The following R3HDM4 variants were observed in gnomAD, a reference collection of about 807,000 sequenced individuals.
R3HDM4 encodes the protein R3H domain containing 4, also known as R3H domain-containing protein 4.
R3HDM4 carries 30 observed loss-of-function variants against 31.3 expected under a neutral mutation model. The ratio of observed to expected loss-of-function variants is 0.96; its 90% CI spans 0.72 to 1.30. The LOEUF is 1.30. Ranked by LOEUF, R3HDM4 falls within the 50% of genes most tolerant of loss-of-function variation. The probability of loss-of-function intolerance (pLI) is 0.00; values close to 1 mark genes in which losing one functional copy is unlikely to be tolerated. For synonymous variants in R3HDM4, 196 were observed against 156.6 expected, an observed-to-expected ratio of 1.25 and a Z score of -1.88; for missense variants, 444 against 366.1, an observed-to-expected ratio of 1.21 and a Z score of -1.74.
chr19:900,833 C>T lies in R3HDM4; in HGVS notation c.471G>A (p.Arg157=), dbSNP rs749619503. Reference sequence around the variant, plus strand: ...CCGCCCCAGCCAGGCCCGCACCTCTCCTCCGGTCCTCCCCACGGCCAGGGC... The same window carrying T: ...CCGCCCCAGCCAGGCCCGCACCTCTTCTCCGGTCCTCCCCACGGCCAGGGC... ...RRGPGRGEDR[R]REDPAYTPRE... Residue 157 remains arginine (R), a synonymous_variant, in exon 4 of 8, where the codon AGG becomes AGA. Coordinates refer to ENST00000361574, the MANE Select transcript of R3HDM4 (RefSeq NM_138774.4). The T allele has an allele frequency of 7.9e-6, 12 of 1,515,466 alleles. No individual in the cohort carries two copies. The highest frequency in any genetic ancestry group is 4.0e-5 in the Admixed American group (2 of 49,876). The allele number at this position is 1,515,466 out of a possible 1,614,324, so 93.9% of individuals were successfully genotyped here.
At chr19:900,796 C>T (rs2036822485) in intron 4 of R3HDM4, 33 bp downstream of exon 4, 1 of 1,124,172 alleles carries the variant, frequency 8.9e-7, no homozygotes, top group East Asian at 3.5e-5. Context: ...CATACCCTGG[C>T]CCCACCCATA....
intron 1 of R3HDM4, among the ~76,000 whole-genome samples, chr19:911,123 A>G (rs556097804): frequency 1.3e-5 from 2 of 151,234 alleles, no homozygotes; most frequent in African/African-American, 4.9e-5. Flanking sequence ...TCTGTCTCAA[A>G]AAAATAAACA....
intron 1 of R3HDM4, among the ~76,000 whole-genome samples, chr19:911,942 G>A (rs1008745083): frequency 8.0e-5 from 12 of 150,796 alleles, no homozygotes; most frequent in East Asian, 2.0e-4. Context: ...GGGGCCGGGC[G>A]TGCGGCAGGG....
chr19:909,019 C>T (rs2036940048), intron 1 of R3HDM4, among the ~76,000 whole-genome samples: 4 of 152,198 alleles, frequency 2.6e-5, no homozygotes, highest in Admixed American at 6.5e-5. Flanking sequence ...CTGTTTCCCA[C>T]GCCACTCAAC....
chr19:908,146 C>T (rs529432925), intron 1 of R3HDM4, among the ~76,000 whole-genome samples: 2 of 151,638 alleles, frequency 1.3e-5, no homozygotes, highest in South Asian at 4.2e-4. Context: ...GAGCTGAGAT[C>T]GCACCACTGC....
chr19:898,219 T>TAA (rs546504389), intron 7 of R3HDM4, among the ~76,000 whole-genome samples: 45 of 136,406 alleles, frequency 3.3e-4, no homozygotes, highest in East Asian at 1.4e-3. Context: ...CTGTCTCTAC[T>TAA]AAAAAAAAAA....
chr19:899,629 C>A lies in R3HDM4; in HGVS notation c.619G>T (p.Ala207Ser). 1 of 1,609,484 alleles carries A rather than the reference C, an allele frequency of 6.2e-7. No homozygotes were observed. The highest frequency in any genetic ancestry group is 8.5e-7 in the Non-Finnish European group (1 of 1,178,006). ...TTGTCTAGCATTGCTGTGTACACGGCCTGGGGGGACACGGAGAAGAACCGA... is the reference window on the plus strand; with the variant it reads ...TTGTCTAGCATTGCTGTGTACACGGACTGGGGGGACACGGAGAAGAACCGA... ...LLRFFSVSPQ[A>S]VYTAMLDNSF... Residue 207 changes from alanine to serine, a missense_variant, in exon 6 of 8, where the codon GCC (alanine) becomes TCC (serine). Transcript: ENST00000361574. The surrounding 1 kb of genome is among the most constrained non-coding windows in gnomAD (Gnocchi z 6.8).
intron 1 of R3HDM4, among the ~76,000 whole-genome samples, chr19:906,964 C>T (rs1247970184): frequency 6.6e-6 from 1 of 151,900 alleles, no homozygotes; most frequent in Non-Finnish European, 1.5e-5. Context: ...TATAGGCGCC[C>T]ACCACCACGC....
chr19:900,462 C>G (rs1213188446), intron 4 of R3HDM4, among the ~76,000 whole-genome samples: 1 of 151,284 alleles, frequency 6.6e-6, no homozygotes, highest in Non-Finnish European at 1.5e-5. Flanking sequence ...AGATCCTGCC[C>G]CCACATGCTG....
At chr19:904,665 G>A (rs570881945) in intron 1 of R3HDM4, among the ~76,000 whole-genome samples, 2 of 152,090 alleles carry the variant, frequency 1.3e-5, no homozygotes, top group Admixed American at 1.3e-4. Flanking sequence ...GGTCCCCGCT[G>A]CTCAGGAGGC....
intron 3 of R3HDM4, 21 bp from the exon 4 acceptor site, chr19:900,973 C>A (rs778006241): frequency 2.9e-5 from 45 of 1,544,432 alleles, no homozygotes; most frequent in Non-Finnish European, 3.8e-5. Context: ...GGCAGGGAGG[C>A]AGGCTTGCCA....
At chr19:911,111 ACT>A (rs2036966863) in intron 1 of R3HDM4, among the ~76,000 whole-genome samples, 3 of 150,344 alleles carry the variant, frequency 2.0e-5, no homozygotes, top group African/African-American at 7.4e-5. Context: ...ACAGAGTGAG[ACT>A]CTGTCTCAAA....
intron 7 of R3HDM4, among the ~76,000 whole-genome samples, chr19:897,752 C>G (rs867076631): frequency 1.3e-5 from 2 of 152,230 alleles, no homozygotes; most frequent in South Asian, 2.1e-4. Flanking sequence ...GCACTCTCCT[C>G]GGGCCCATCT....
chr19:899,327 C>T lies in R3HDM4; in HGVS notation c.703+113G>A. 1 of 1,120,724 alleles carries T rather than the reference C, an allele frequency of 8.9e-7. No homozygotes were observed. The allele number at this position is 1,120,724 out of a possible 1,614,324, so 69.4% of individuals were successfully genotyped here. On this transcript the variant is annotated intron_variant, in intron 7 of 7. Transcript: ENST00000361574. This position sits in a 1 kb window ranked among gnomAD's most constrained non-coding sequence, Gnocchi z 6.8. ...GTTCGTAGCGTCCCCACTCCAGCCCCCTTCCCCACCTCCCCACCAAGCCCC... is the reference window on the plus strand; with the variant it reads ...GTTCGTAGCGTCCCCACTCCAGCCCTCTTCCCCACCTCCCCACCAAGCCCC...
Position 901,517 on chromosome 19 carries a change from C to G in R3HDM4, c.256G>C (p.Asp86His). The G allele has an allele frequency of 6.2e-7, 1 of 1,607,968 alleles. No homozygotes were observed. The highest frequency in any genetic ancestry group is 1.1e-5 in the South Asian group (1 of 90,816). The change falls in exon 3 of 8, where the codon GAC becomes CAC. Residue 86 changes from aspartate (D) to histidine (H), a missense_variant. Physicochemically the swap from Asp to His is moderately conservative, Grantham distance 81. Coordinates refer to ENST00000361574, the MANE Select transcript of R3HDM4 (RefSeq NM_138774.4). ...TQYLLTLLET[D>H]GGLPGLEDGD... ...TCCTCCAGGCCAGGCAGGCCCCCGTCTGTCTCCAGCAGGGTCAGGAGGTAC... is the reference window on the plus strand; with the variant it reads ...TCCTCCAGGCCAGGCAGGCCCCCGTGTGTCTCCAGCAGGGTCAGGAGGTAC...
intron 3 of R3HDM4, 91 bp from the exon 4 acceptor site, chr19:901,043 A>T: frequency 1.4e-6 from 2 of 1,431,532 alleles, no homozygotes; most frequent in East Asian, 2.5e-5. Context: ...GCCGCCAAGC[A>T]CGTGGACGCG....
rs923554262 is a variant in R3HDM4 at position 900,099 on chromosome 19, G to A, written c.523C>T (p.Arg175Cys). Residue 175 changes from arginine to cysteine, a missense_variant, in exon 5 of 8, where the codon CGT (arginine) becomes TGT (cysteine). Coordinates refer to ENST00000361574, the MANE Select transcript of R3HDM4 (RefSeq NM_138774.4). ...CTGCGCTTGAGGACGGCTCGCAGAC[G>A]CCGGCTGATGCGCTGGAAGCACTCG... ...PRECFQRISR[R>C]LRAVLKRSRI... 8.1e-6 allele frequency: 13 copies of A among 1,607,120 alleles called. No homozygotes were observed. The highest frequency in any genetic ancestry group is 1.3e-5 in the African/African-American group (1 of 74,522).
rs7969 is a variant in R3HDM4 at position 896,740 on chromosome 19, C to G, written c.*697G>C. The G allele has an allele frequency of 0.2, 30,946 of 152,288 alleles. 3,350 individuals carry two copies. The highest frequency in any genetic ancestry group is 0.38 in the East Asian group (1,946 of 5,130). The allele number at this position is 152,288 out of a possible 1,614,324, so 9.4% of individuals were successfully genotyped here. A position where few individuals can be genotyped will look rare whatever the true frequency, so the allele number is the denominator to read the frequency against. On this transcript the variant is annotated 3_prime_UTR_variant, in exon 8 of 8. Transcript: ENST00000361574. The surrounding 1 kb of genome is among the most constrained non-coding windows in gnomAD (Gnocchi z 4.0). ...GCTTCTGGCTGGAAGTCCTGGACCC[C>G]CAGCATAAAGGAGGGGAGGAAAGGA...
Position 899,317 on chromosome 19 carries a change from A to C in R3HDM4, c.703+123T>G. The C allele has an allele frequency of 1.0e-6, 1 of 989,886 alleles. No homozygotes were observed. The allele number at this position is 989,886 out of a possible 1,614,324, so 61.3% of individuals were successfully genotyped here. On this transcript the variant is annotated intron_variant, in intron 7 of 7. Coordinates refer to ENST00000361574, the MANE Select transcript of R3HDM4 (RefSeq NM_138774.4). The surrounding 1 kb of genome is among the most constrained non-coding windows in gnomAD (Gnocchi z 6.8). ...CCACCCCTGAGTTCGTAGCGTCCCC[A>C]CTCCAGCCCCCTTCCCCACCTCCCC...
Sources: allele counts gnomAD v4.1 joint callset (sites outside exome capture counted in the v4.1 genomes callset), GRCh38; gene constraint gnomAD v4.1.1; non-coding constraint Gnocchi (gnomAD v3.1); transcripts MANE v1.5; gene names NCBI Gene and HGNC (gene_info 2026-07-23, HGNC 2026-07-21).